SPI1: variants seen among roughly 807,000 people sequenced by gnomAD.
The protein encoded by SPI1 is transcription factor PU.1.
Under a neutral mutation model 30.7 loss-of-function variants are expected in SPI1, and 3 were observed. The ratio of observed to expected loss-of-function variants is 0.10; its 90% CI spans 0.04 to 0.25. The LOEUF (loss-of-function observed/expected upper bound fraction) is 0.25. Among genes scored for constraint, SPI1 ranks in the 10% least tolerant of loss-of-function variants. SPI1 has a pLI of 1.00. For missense variants in SPI1, 261 were observed against 371.5 expected (o/e 0.70, Z 2.45); for synonymous variants, 169 against 157.1 (o/e 1.08, Z -0.56).
At position 47,357,291 on chromosome 11, in the gene SPI1, ATCAC is replaced by A. The variant is rs770816108; in HGVS notation, c.493+1549_493+1552del. ...GCTCACACCTCACAGCTGCTCACTT[ATCAC>A]TCACACGCTCACACCAGCTCTTTCA... On this transcript the variant is annotated intron_variant, in intron 4 of 4. Transcript: ENST00000378538. Among the ~76,000 whole-genome samples the A allele has an allele frequency of 4.6e-4, 36 of 77,666 alleles. No homozygotes were observed. In the Middle Eastern group the frequency reaches 0.017, roughly 37 times the overall value. The allele number at this position is 77,666 out of a possible 152,430, so 51.0% of individuals were successfully genotyped here. A position where few individuals can be genotyped will look rare whatever the true frequency, so the allele number is the denominator to read the frequency against.
intron 1 of SPI1, among the ~76,000 whole-genome samples, chr11:47,377,585 A>G (rs991419351): frequency 1.3e-5 from 2 of 150,392 alleles, no homozygotes; most frequent in Non-Finnish European, 3.0e-5. Flanking sequence ...CCCCATTCTC[A>G]CTTATCACAT....
intron 4 of SPI1, among the ~76,000 whole-genome samples, chr11:47,356,180 ACACC>A (rs1192558305): frequency 6.7e-6 from 1 of 150,302 alleles, no homozygotes; most frequent in Non-Finnish European, 1.5e-5. Context: ...ACTTTCTCAC[ACACC>A]CACACAATGC....
chr11:47,375,692 T>C lies in SPI1; in HGVS notation c.83A>G (p.Tyr28Cys). The change falls in exon 2 of 5, where the codon TAC (tyrosine) becomes TGC (cysteine). Residue 28 changes from tyrosine to cysteine, a missense_variant. Tyr to Cys is a radical substitution (Grantham distance 194). This residue lies in a region of SPI1 where 78 missense variants were observed against 93.2 expected (regional missense o/e 0.84). Transcript: ENST00000378538. The surrounding 1 kb of genome is among the most constrained non-coding windows in gnomAD (Gnocchi z 4.2). ...EDLVPYDTDL[Y>C]QRQTHEYYPY... is the part of the protein sequence containing the mutation. ...GTAATACTCGTGCGTTTGGCGTTGG[T>C]ATAGATCCGTGTCATAGGGCACCAG... The C allele has an allele frequency of 6.2e-7, 1 of 1,613,954 alleles. No individual in the cohort carries two copies. Among genetic ancestry groups the C allele is most frequent in the Non-Finnish European group, 8.5e-7 (1 of 1,179,902 alleles).
rs2095918093 is a variant in SPI1, at chr11:47,359,875, G to A, written c.308C>T (p.Pro103Leu). 1.2e-6 allele frequency: 2 copies of A among 1,607,198 alleles called. No homozygotes were observed. The highest frequency in any genetic ancestry group is 1.7e-6 in the Non-Finnish European group (2 of 1,179,848). ...CACCTGGTGGCCAAGACTGGGATGG[G>A]GTGGCACCATGGGGGTATCGAGGAC... ...MHVLDTPMVP[P>L]HPSLGHQVSY... The change falls in exon 3 of 5, where the codon CCC becomes CTC. Residue 103 changes from proline to leucine, a missense_variant. Around this residue, in one of 5 missense-constraint regions of SPI1, gnomAD observed 106 missense variants for 102.0 expected, o/e 1.04. Coordinates refer to ENST00000378538, the MANE Select transcript of SPI1 (RefSeq NM_003120.3). This position sits in a 1 kb window ranked among gnomAD's most constrained non-coding sequence, Gnocchi z 5.1.
rs966402762 is a variant in SPI1, at chr11:47,374,180, C to T, written c.142+1453G>A. Among the ~76,000 whole-genome samples the T allele has an allele frequency of 1.3e-5, 2 of 152,172 alleles. No individual in the cohort carries two copies. The highest frequency in any genetic ancestry group is 2.4e-5 in the African/African-American group (1 of 41,430). On this transcript the variant is annotated intron_variant, in intron 2 of 4. Transcript: ENST00000378538. This position sits in a 1 kb window ranked among gnomAD's most constrained non-coding sequence, Gnocchi z 4.5. The stretch of plus-strand genomic sequence containing the variant: ...TGCGTGGTCTCTGGGTCCCCCAGAC[C>T]GGGCTCTTCACTCTGGTAGGGAGAG...
intron 2 of SPI1, among the ~76,000 whole-genome samples, chr11:47,370,901 G>A (rs1252123301): frequency 6.6e-6 from 1 of 151,352 alleles, no homozygotes; most frequent in African/African-American, 2.4e-5. Flanking sequence ...TGTGTGTTGT[G>A]AATGACTAAA....
intron 1 of SPI1, among the ~76,000 whole-genome samples, chr11:47,376,281 C>T (rs543084186): frequency 1.3e-5 from 2 of 152,124 alleles, no homozygotes; most frequent in South Asian, 2.1e-4. Flanking sequence ...CATGACACCA[C>T]GTTCCAGCCA....
Position 47,375,234 on chromosome 11 carries a change from G to A in SPI1, c.142+399C>T, listed in dbSNP as rs1310019806. On this transcript the variant is annotated intron_variant, in intron 2 of 4. Transcript: ENST00000378538. This position sits in a 1 kb window ranked among gnomAD's most constrained non-coding sequence, Gnocchi z 4.2. ...TTTGGGACAGAGAGTGACGAGAACA[G>A]AGAGGAGGAGGTGGGTAGTTAGGCA... Among the ~76,000 whole-genome samples the A allele has an allele frequency of 3.3e-5, 5 of 152,226 alleles. No individual in the cohort carries two copies. The highest frequency in any genetic ancestry group is 5.9e-5 in the Non-Finnish European group (4 of 68,044).
chr11:47,377,940 C>G (rs185797750), intron 1 of SPI1, among the ~76,000 whole-genome samples: 5 of 152,210 alleles, frequency 3.3e-5, no homozygotes, highest in Admixed American at 2.0e-4. Flanking sequence ...TCCAGGGGAC[C>G]GGCCTCCCCC....
chr11:47,355,308 C>T lies in SPI1; in HGVS notation c.732G>A (p.Val244=), dbSNP rs1346599319. 1.2e-6 allele frequency: 2 copies of T among 1,608,924 alleles called. No homozygotes were observed. Among genetic ancestry groups the T allele is most frequent in the African/African-American group, 2.7e-5 (2 of 74,868 alleles). ...TGAACTGGTAGGTGAGCTTCTTCTT[C>T]ACCTTCTTGACCTCGCCCGTCTTGC... ...NYGKTGEVKK[V]KKKLTYQFSG... is the part of the protein sequence containing the mutation. The change falls in exon 5 of 5, where the codon GTG becomes GTA. Residue 244 remains valine (V), a synonymous_variant. Coordinates refer to ENST00000378538, the MANE Select transcript of SPI1 (RefSeq NM_003120.3).
intron 1 of SPI1, among the ~76,000 whole-genome samples, chr11:47,377,412 G>A (rs12146565): frequency 0.27 from 40,325 of 151,960 alleles, 6,147 homozygotes; most frequent in Middle Eastern, 0.37. Flanking sequence ...GGAAAAGGGA[G>A]AAGGGTCCTT....
chr11:47,360,053 G>A lies in SPI1; in HGVS notation c.143-13C>T. 9 of 1,540,096 alleles carry A rather than the reference G, an allele frequency of 5.8e-6. No homozygotes were observed. The highest frequency in any genetic ancestry group is 7.9e-6 in the Non-Finnish European group (9 of 1,140,088). ...TCCCAGTAATGGTCTGTGGGGGACA[G>A]CCAGGCAGTATGGGGTGAGCTCAGG... is the stretch of plus-strand genomic sequence containing the variant. On this transcript the variant is annotated splice_polypyrimidine_tract_variant and intron_variant, in intron 2 of 4. Transcript: ENST00000378538.
chr11:47,358,099 C>G lies in SPI1; in HGVS notation c.493+745G>C, dbSNP rs1349819775. 1.1e-4 allele frequency: 22 copies of G among 191,862 alleles called. No individual in the cohort carries two copies. The Admixed American group carries it at 1.2e-3, about 10-fold the overall frequency. The allele number at this position is 191,862 out of a possible 1,614,324, so 11.9% of individuals were successfully genotyped here. The stretch of plus-strand genomic sequence containing the variant: ...CATATACACATACATGCTCACACAC[C>G]CCAGCTCACACCTTCCTGCTCACAC... On this transcript the variant is annotated intron_variant, in intron 4 of 4. Transcript: ENST00000378538.
At chr11:47,356,449 CAG>C (rs1202924615) in intron 4 of SPI1, among the ~76,000 whole-genome samples, 11 of 151,208 alleles carry the variant, frequency 7.3e-5, no homozygotes, top group African/African-American at 2.2e-4. Flanking sequence ...CACACACACT[CAG>C]ACCCACTTAC....
At position 47,355,392 on chromosome 11, in the gene SPI1, C is replaced by A; in HGVS notation, c.648G>T (p.Gln216His). Residue 216 changes from glutamine (Q) to histidine (H), a missense_variant, in exon 5 of 5, where the codon CAG (glutamine) becomes CAT (histidine). Physicochemically the swap from Gln to His is conservative, Grantham distance 24. Coordinates refer to ENST00000378538, the MANE Select transcript of SPI1 (RefSeq NM_003120.3). ...KEALAHRWGIQKGNRKKMTYQ... is the reference protein window; with the variant it reads ...KEALAHRWGIHKGNRKKMTYQ... Reference sequence around the variant, plus strand: ...AGGTCATCTTCTTGCGGTTGCCCTTCTGGATGCCCCAGCGGTGCGCCAGCG... The same window carrying A: ...AGGTCATCTTCTTGCGGTTGCCCTTATGGATGCCCCAGCGGTGCGCCAGCG... 1.9e-6 allele frequency: 3 copies of A among 1,613,890 alleles called. No homozygotes were observed. Among genetic ancestry groups the A allele is most frequent in the Non-Finnish European group, 2.5e-6 (3 of 1,179,816 alleles).
rs1055773376 is a variant in SPI1, at chr11:47,356,474, C to T, written c.494-928G>A. ...CAGACCCACTTACTGCCCCCACACA[C>T]GGTCACACCCAATGCACCTTCTCAC... On this transcript the variant is annotated intron_variant, in intron 4 of 4. Coordinates refer to ENST00000378538, the MANE Select transcript of SPI1 (RefSeq NM_003120.3). Among the ~76,000 whole-genome samples the T allele has an allele frequency of 4.0e-5, 6 of 151,300 alleles. No homozygotes were observed. The East Asian group carries it at 7.8e-4, about 20-fold the overall frequency.
intron 4 of SPI1, among the ~76,000 whole-genome samples, chr11:47,355,880 C>T (rs945098906): frequency 6.6e-6 from 1 of 151,168 alleles, no homozygotes; most frequent in East Asian, 2.0e-4. Flanking sequence ...TCACACATCA[C>T]GCCCACACCC....
intron 4 of SPI1, chr11:47,358,595 A>G: frequency 1.4e-6 from 1 of 703,924 alleles, no homozygotes; most frequent in South Asian, 1.5e-5. Context: ...AGATGTACAC[A>G]CACTCATGGC....
chr11:47,377,611 C>T (rs2142900770), intron 1 of SPI1, among the ~76,000 whole-genome samples: 1 of 152,242 alleles, frequency 6.6e-6, no homozygotes, highest in East Asian at 1.9e-4. Flanking sequence ...CCCCAGGTCC[C>T]ACCCAGCCCC....
Sources: gnomAD v4.1 joint callset for allele counts (sites outside exome capture counted in the v4.1 genomes callset) on GRCh38, gnomAD v4.1.1 for gene constraint, gnomAD v4.1.1 regional missense constraint, Gnocchi (gnomAD v3.1) non-coding constraint, MANE v1.5 for transcripts, NCBI Gene and HGNC (gene_info 2026-07-23, HGNC 2026-07-21) for gene names.